The following AFG2A variants were observed in gnomAD, a reference collection of about 807,000 sequenced individuals.
AFG2A encodes the protein ATPase family gene 2 protein homolog A.
At chr4:123,042,649 A>C in the AFG2A span, among the ~76,000 whole-genome samples, 1 of 151,940 alleles carries the variant, frequency 6.6e-6, no homozygotes, top group Non-Finnish European at 1.5e-5. Flanking sequence ...TTTCTTTTGC[A>C]TTCAGTGCAT....
the AFG2A span, among the ~76,000 whole-genome samples, chr4:123,093,872 G>A: frequency 6.6e-6 from 1 of 152,122 alleles, no homozygotes; most frequent in Admixed American, 6.6e-5. Context: ...TTTAGTAGGA[G>A]GTTAAACAAG....
At chr4:123,277,296 A>G in the AFG2A span, among the ~76,000 whole-genome samples, 1 of 152,114 alleles carries the variant, frequency 6.6e-6, no homozygotes, top group African/African-American at 2.4e-5. Flanking sequence ...TTTTTGGTGT[A>G]TATCAATGCT....
At chr4:122,934,761 C>G in the AFG2A span, 4 of 1,528,904 alleles carry the variant, frequency 2.6e-6, no homozygotes, top group Non-Finnish European at 2.6e-6. Context: ...CAGTTTATTG[C>G]ACCCAAAAAT....
the AFG2A span, among the ~76,000 whole-genome samples, chr4:123,241,311 C>A: frequency 6.6e-6 from 1 of 152,280 alleles, no homozygotes; most frequent in African/African-American, 2.4e-5. Context: ...ATACCAAAGC[C>A]TGGCAGAGAC....
chr4:123,138,793 G>A, the AFG2A span, among the ~76,000 whole-genome samples: 5 of 151,918 alleles, frequency 3.3e-5, no homozygotes, highest in African/African-American at 1.2e-4. Flanking sequence ...GACAGACTGG[G>A]AACCATACTT....
At chr4:122,999,078 T>C in the AFG2A span, among the ~76,000 whole-genome samples, 4 of 149,566 alleles carry the variant, frequency 2.7e-5, no homozygotes. Flanking sequence ...GTGAGCATTT[T>C]TTCATGTGTC....
At chr4:122,937,360 AT>A in the AFG2A span, among the ~76,000 whole-genome samples, 15 of 150,996 alleles carry the variant, frequency 9.9e-5, no homozygotes, top group African/African-American at 4.9e-5. Flanking sequence ...TAATTTTTGT[AT>A]TTTTTTTTCT....
the AFG2A span, among the ~76,000 whole-genome samples, chr4:123,240,902 G>A: frequency 6.6e-6 from 1 of 151,918 alleles, no homozygotes; most frequent in Non-Finnish European, 1.5e-5. Flanking sequence ...TAATAAAGAA[G>A]AAAAGGGAGA....
the AFG2A span, among the ~76,000 whole-genome samples, chr4:123,025,869 TA>T: frequency 6.6e-6 from 1 of 152,302 alleles, no homozygotes; most frequent in Non-Finnish European, 1.5e-5. Context: ...AAGTAACATT[TA>T]AAAATATTAA....
chr4:123,299,665 T>C, the AFG2A span, among the ~76,000 whole-genome samples: 1 of 152,202 alleles, frequency 6.6e-6, no homozygotes, highest in Non-Finnish European at 1.5e-5. Context: ...GTTTGTTTGT[T>C]TGATGGTTGG....
chr4:123,209,451 C>G, the AFG2A span, among the ~76,000 whole-genome samples: 1 of 152,016 alleles, frequency 6.6e-6, no homozygotes, highest in Non-Finnish European at 1.5e-5. Context: ...TCCCACTCCC[C>G]ATAGCTGCTC....
chr4:123,009,997 A>G, the AFG2A span, among the ~76,000 whole-genome samples: 2 of 152,180 alleles, frequency 1.3e-5, no homozygotes, highest in Non-Finnish European at 2.9e-5. Flanking sequence ...GCACAACTTC[A>G]TATCTTTCTG....
the AFG2A span, among the ~76,000 whole-genome samples, chr4:122,970,980 G>T: frequency 3.9e-5 from 6 of 152,106 alleles, no homozygotes; most frequent in Non-Finnish European, 7.4e-5. Context: ...TAGAGACAGG[G>T]TTTCACTATG....
At chr4:123,033,322 A>G in the AFG2A span, among the ~76,000 whole-genome samples, 865 of 152,290 alleles carry the variant, frequency 5.7e-3, 8 homozygotes, top group African/African-American at 0.019. Flanking sequence ...ACTGTATTAT[A>G]TATATGCTCT....
the AFG2A span, among the ~76,000 whole-genome samples, chr4:123,198,264 G>A: frequency 1.7e-4 from 17 of 102,036 alleles, no homozygotes; most frequent in Admixed American, 1.5e-3. Context: ...GCTACACTCC[G>A]TCTCAAAAAA....
the AFG2A span, chr4:122,935,844 G>C: frequency 6.2e-7 from 1 of 1,604,290 alleles, no homozygotes; most frequent in Non-Finnish European, 8.5e-7. Context: ...TTATAAGCAA[G>C]TAAGTACATG....
the AFG2A span, among the ~76,000 whole-genome samples, chr4:123,294,955 G>A: frequency 6.6e-6 from 1 of 152,292 alleles, no homozygotes; most frequent in South Asian, 2.1e-4. Flanking sequence ...CTGGTTTGCA[G>A]CACCTGTATA....
chr4:123,144,613 G>T, the AFG2A span, among the ~76,000 whole-genome samples: 1 of 152,068 alleles, frequency 6.6e-6, no homozygotes, highest in Non-Finnish European at 1.5e-5. Flanking sequence ...AATTAAAAGG[G>T]ATATTTCCTT....
At chr4:123,031,238 AC>A in the AFG2A span, among the ~76,000 whole-genome samples, 2 of 151,882 alleles carry the variant, frequency 1.3e-5, no homozygotes, top group East Asian at 3.9e-4. Context: ...CGCAGTTCCC[AC>A]CTCCCAGGTT....
Sources: allele counts gnomAD v4.1 joint callset (sites outside exome capture counted in the v4.1 genomes callset), GRCh38; gene constraint gnomAD v4.1.1; transcripts MANE v1.5; gene names NCBI Gene and HGNC (gene_info 2026-07-23, HGNC 2026-07-21).